TP63: variants seen among roughly 807,000 people sequenced by gnomAD.
TP63 encodes tumor protein p63, also known as tumor protein 63.
TP63 carries 17 observed loss-of-function variants against 82.8 expected under a neutral mutation model. That is an observed-to-expected ratio of 0.21 (90% CI 0.14 to 0.31). TP63 has a LOEUF of 0.31. TP63 is among the 10% of genes least tolerant of loss of function. The probability of loss-of-function intolerance (pLI) is 1.00; values close to 1 mark genes in which losing one functional copy is unlikely to be tolerated. For missense variants in TP63, 648 were observed against 895.3 expected, an observed-to-expected ratio of 0.72 and a Z score of 3.52; for synonymous variants, 330 against 321.7, an observed-to-expected ratio of 1.03 and a Z score of -0.28.
At chr3:189,854,479 C>T (rs1485992593) in intron 4 of TP63, among the ~76,000 whole-genome samples, 4 of 152,262 alleles carry the variant, frequency 2.6e-5, no homozygotes, top group South Asian at 2.1e-4. Context: ...GTGGTCCACC[C>T]GTCTTGGCCT....
rs552032861 is a variant in TP63 at position 189,761,907 on chromosome 3, C to T, written c.324+23133C>T. On this transcript the variant is annotated intron_variant, in intron 3 of 13. Transcript: ENST00000264731. ...GAGAGAGCTTGTGCAGAGAAACCCCCGTTTTTAAAACCATCAGATCTCCTG... is the reference window on the plus strand; with the variant it reads ...GAGAGAGCTTGTGCAGAGAAACCCCTGTTTTTAAAACCATCAGATCTCCTG... Among the ~76,000 whole-genome samples, 4 of 152,262 alleles carry T rather than the reference C, an allele frequency of 2.6e-5. No individual in the cohort carries two copies. The South Asian group carries it at 8.3e-4, about 32-fold the overall frequency.
chr3:189,853,270 G>A (rs1715878659), intron 4 of TP63, among the ~76,000 whole-genome samples: 1 of 152,156 alleles, frequency 6.6e-6, no homozygotes, highest in Admixed American at 6.5e-5. Context: ...GACCACATCA[G>A]TTGCTCAAGC....
At chr3:189,639,368 A>G (rs1456773069) in intron 1 of TP63, among the ~76,000 whole-genome samples, 1 of 152,170 alleles carries the variant, frequency 6.6e-6, no homozygotes, top group Non-Finnish European at 1.5e-5. Context: ...ACCATAAACC[A>G]TAATATTTGG....
chr3:189,650,217 G>C (rs1434427750), intron 1 of TP63, among the ~76,000 whole-genome samples: 1 of 147,262 alleles, frequency 6.8e-6, no homozygotes, highest in Non-Finnish European at 1.5e-5. Context: ...TCTCAGCTTA[G>C]AGAACTTGGA....
intron 3 of TP63, among the ~76,000 whole-genome samples, chr3:189,760,242 G>A (rs987433387): frequency 6.6e-6 from 1 of 152,118 alleles, no homozygotes; most frequent in African/African-American, 2.4e-5. Flanking sequence ...ACTCCTTTCT[G>A]CATTAACTCA....
At chr3:189,725,225 A>G (rs1449149350) in intron 1 of TP63, among the ~76,000 whole-genome samples, 2 of 152,372 alleles carry the variant, frequency 1.3e-5, no homozygotes, top group East Asian at 3.8e-4. Context: ...GACATAGTAT[A>G]TATAATTATT....
intron 1 of TP63, among the ~76,000 whole-genome samples, chr3:189,719,306 T>A (rs924235201): frequency 7.9e-5 from 12 of 152,170 alleles, no homozygotes; most frequent in African/African-American, 2.9e-4. Context: ...ATACTCAAAC[T>A]TGTCCTTAGT....
chr3:189,731,109 G>A (rs1279261749), intron 1 of TP63, among the ~76,000 whole-genome samples: 3 of 152,180 alleles, frequency 2.0e-5, no homozygotes, highest in African/African-American at 7.2e-5. Context: ...CTGGGAAGCT[G>A]AGGCAGGTGG....
intron 1 of TP63, among the ~76,000 whole-genome samples, chr3:189,641,611 T>G (rs1711881104): frequency 1.3e-5 from 2 of 152,168 alleles, no homozygotes; most frequent in African/African-American, 4.8e-5. Flanking sequence ...CCAGTTATTA[T>G]GTAAGTGACT....
At chr3:189,629,361 T>A (rs1218263549), upstream of TP63, among the ~76,000 whole-genome samples, 7 of 152,252 alleles carry the variant, frequency 4.6e-5, no homozygotes, top group African/African-American at 1.7e-4. Context: ...TCAGTCTGGG[T>A]GACAGTGCAA....
intron 1 of TP63, among the ~76,000 whole-genome samples, chr3:189,660,210 T>C (rs1343991992): frequency 6.6e-6 from 1 of 151,924 alleles, no homozygotes; most frequent in African/African-American, 2.4e-5. Context: ...CTTTAATCCG[T>C]TTTAATATTT....
chr3:189,740,831 T>C (rs1720928465), intron 3 of TP63, among the ~76,000 whole-genome samples: 1 of 152,198 alleles, frequency 6.6e-6, no homozygotes, highest in Non-Finnish European at 1.5e-5. Context: ...TGCCATGTTG[T>C]TTCTTACTTC....
chr3:189,663,521 C>CTTTTTTTTTTTTTTTT (rs397991949), intron 1 of TP63, among the ~76,000 whole-genome samples: 1 of 84,530 alleles, frequency 1.2e-5, no homozygotes, highest in Admixed American at 1.9e-4. Flanking sequence ...TTCATTCATT[C>CTTTTTTTTTTTTTTTT]TTTTTTTTTT....
intron 3 of TP63, among the ~76,000 whole-genome samples, chr3:189,742,533 C>G (rs375482870): frequency 2.6e-5 from 4 of 152,024 alleles, no homozygotes; most frequent in African/African-American, 9.7e-5. Context: ...TGAATCATCC[C>G]AGATATATGT....
At chr3:189,728,718 C>T (rs1308221674) in intron 1 of TP63, among the ~76,000 whole-genome samples, 1 of 152,160 alleles carries the variant, frequency 6.6e-6, no homozygotes, top group African/African-American at 2.4e-5. Flanking sequence ...CACCTCTTCA[C>T]AGGGTGGCAG....
the TP63 span, among the ~76,000 whole-genome samples, chr3:189,619,501 G>A: frequency 6.6e-6 from 1 of 152,150 alleles, no homozygotes; most frequent in Non-Finnish European, 1.5e-5. Flanking sequence ...CACATTTTCA[G>A]TGGGCTGCTT....
At chr3:189,724,251 G>A (rs1719608446) in intron 1 of TP63, among the ~76,000 whole-genome samples, 1 of 151,906 alleles carries the variant, frequency 6.6e-6, no homozygotes, top group Admixed American at 6.6e-5. Context: ...TATCTTCAAG[G>A]TTCTATAGTG....
chr3:189,737,971 A>G lies in TP63; in HGVS notation c.191+103A>G, dbSNP rs1328943896. 4.6e-5 allele frequency: 67 copies of G among 1,444,706 alleles called. No homozygotes were observed. The East Asian group carries it at 1.6e-3, about 34-fold the overall frequency. The allele number at this position is 1,444,706 out of a possible 1,614,324, so 89.5% of individuals were successfully genotyped here. A position where few individuals can be genotyped will look rare whatever the true frequency, so the allele number is the denominator to read the frequency against. ...GGCATGTTTTTTCTAGAATCAGTAG[A>G]AGTTATTTAGGAAAAGTTAATGACT... On this transcript the variant is annotated intron_variant, in intron 2 of 13. Coordinates refer to ENST00000264731, the MANE Select transcript of TP63 (RefSeq NM_003722.5).
At chr3:189,773,706 A>G (rs1459170837) in intron 3 of TP63, among the ~76,000 whole-genome samples, 1 of 152,068 alleles carries the variant, frequency 6.6e-6, no homozygotes, top group African/African-American at 2.4e-5. Flanking sequence ...TTGTTTAATC[A>G]TCCTCTCCAT....
Sources: allele counts gnomAD v4.1 joint callset (sites outside exome capture counted in the v4.1 genomes callset), GRCh38; gene constraint gnomAD v4.1.1; transcripts MANE v1.5; gene names NCBI Gene and HGNC (gene_info 2026-07-23, HGNC 2026-07-21).